GNS: variants seen among roughly 807,000 people sequenced by gnomAD.
The protein encoded by GNS is N-acetylglucosamine-6-sulfatase.
In GNS, 40 loss-of-function variants were observed where a neutral mutation model predicts 69.7. The observed-to-expected ratio is 0.57, with a 90% CI of 0.45 to 0.75. GNS has a LOEUF of 0.75. Ranked by LOEUF, GNS falls within the 30% of genes least tolerant of loss-of-function variation. The probability of loss-of-function intolerance (pLI) is 0.00; values close to 1 mark genes in which losing one functional copy is unlikely to be tolerated. For missense variants in GNS, 565 were observed against 685.5 expected (o/e 0.82, Z 1.96); for synonymous variants, 243 against 251.6 (o/e 0.97, Z 0.32).
chr12:64,753,557 T>A (rs1419013775), intron 1 of GNS, among the ~76,000 whole-genome samples: 1 of 152,214 alleles, frequency 6.6e-6, no homozygotes, highest in African/African-American at 2.4e-5. Flanking sequence ...CAGTTCACGA[T>A]GATTCTGAGA....
chr12:64,745,045 AT>A, intron 4 of GNS, 138 bp from the exon 5 acceptor site: 1 of 648,988 alleles, frequency 1.5e-6, no homozygotes, highest in Non-Finnish European at 2.8e-6. Flanking sequence ...ACTGAATTGG[AT>A]TTTTTGACTA....
At chr12:64,728,217 C>A (rs546487243) in intron 10 of GNS, among the ~76,000 whole-genome samples, 1 of 152,176 alleles carries the variant, frequency 6.6e-6, no homozygotes, top group Non-Finnish European at 1.5e-5. Context: ...TAAGCCACCG[C>A]GCCTGGCCGA....
chr12:64,723,336 A>C lies in GNS; in HGVS notation c.1201-223T>G, dbSNP rs148306619. ...TGGTGAAATGCTTTGAAAATTTAAT[A>C]GTTCCTTCCCAAGGCTACTTCTGTG... On this transcript the variant is annotated intron_variant, in intron 10 of 13. Coordinates refer to ENST00000258145, the MANE Select transcript of GNS (RefSeq NM_002076.4). Among the ~76,000 whole-genome samples, 464 of 152,354 alleles carry C rather than the reference A, an allele frequency of 3.0e-3. 1 individual carries two copies. Among genetic ancestry groups the C allele is most frequent in the Non-Finnish European group, 4.9e-3 (332 of 68,034 alleles).
chr12:64,758,309 C>A (rs1166427815), intron 1 of GNS, among the ~76,000 whole-genome samples: 3 of 67,410 alleles, frequency 4.5e-5, no homozygotes, highest in Non-Finnish European at 8.2e-5. Flanking sequence ...CACTTCAGGC[C>A]TTTTTTTTTT....
chr12:64,722,118 G>A (rs1592492177), intron 11 of GNS, among the ~76,000 whole-genome samples: 1 of 151,508 alleles, frequency 6.6e-6, no homozygotes, highest in African/African-American at 2.4e-5. Flanking sequence ...TCCACCTCCC[G>A]GGTTCACACG....
chr12:64,719,948 C>A (rs1447485926), intron 13 of GNS, 74 bp downstream of exon 13: 6 of 953,328 alleles, frequency 6.3e-6, no homozygotes, highest in Non-Finnish European at 6.9e-6. Flanking sequence ...GCAAAAAGGG[C>A]TCCCTTTGCC....
In GNS at chr12:64,748,837, A is replaced by G. The variant is rs190771284; in HGVS notation, c.253-919T>C. 6.4e-4 allele frequency among the ~76,000 whole-genome samples: 97 copies of G among 152,338 alleles called. 1 individual carries two copies. In the Middle Eastern group the frequency reaches 0.024, roughly 37 times the overall value. On this transcript the variant is annotated intron_variant, in intron 2 of 13. Coordinates refer to ENST00000258145, the MANE Select transcript of GNS (RefSeq NM_002076.4). ...AATACTAGCTTATACTTGGACCAGC[A>G]GGGAAGGAATGGGCATTTGAGCACA... is the stretch of plus-strand genomic sequence containing the variant.
chr12:64,748,543 G>T (rs1012002769), intron 2 of GNS, among the ~76,000 whole-genome samples: 3 of 152,094 alleles, frequency 2.0e-5, no homozygotes, highest in Non-Finnish European at 4.4e-5. Flanking sequence ...GCACAGCATG[G>T]TGAGAGACGG....
At chr12:64,754,138 C>T (rs1478184050) in intron 1 of GNS, among the ~76,000 whole-genome samples, 1 of 152,170 alleles carries the variant, frequency 6.6e-6, no homozygotes, top group Admixed American at 6.5e-5. Context: ...AAACACAACA[C>T]GTGCCAGGCA....
At chr12:64,741,843 G>A (rs1258499027) in intron 6 of GNS, among the ~76,000 whole-genome samples, 1 of 152,102 alleles carries the variant, frequency 6.6e-6, no homozygotes, top group East Asian at 1.9e-4. Flanking sequence ...ATTCACATTC[G>A]ATCATGAATA....
At chr12:64,717,623 G>A (rs754563068) in intron 13 of GNS, among the ~76,000 whole-genome samples, 7 of 149,638 alleles carry the variant, frequency 4.7e-5, no homozygotes, top group Middle Eastern at 3.5e-3. Context: ...TTGGTCTCCC[G>A]AAGTGCTGGG....
intron 8 of GNS, among the ~76,000 whole-genome samples, chr12:64,738,923 G>A (rs1230099968): frequency 6.6e-6 from 1 of 152,072 alleles, no homozygotes; most frequent in Non-Finnish European, 1.5e-5. Flanking sequence ...TATATATGTG[G>A]AAAGAAGAAA....
chr12:64,742,312 G>T (rs182027028), intron 6 of GNS, among the ~76,000 whole-genome samples: 1 of 152,170 alleles, frequency 6.6e-6, no homozygotes, highest in Admixed American at 6.5e-5. Context: ...GAGCCACTGC[G>T]CCCGGCCAGT....
chr12:64,727,169 A>T (rs1412980941), intron 10 of GNS, among the ~76,000 whole-genome samples: 1 of 144,668 alleles, frequency 6.9e-6, no homozygotes, highest in African/African-American at 2.5e-5. Flanking sequence ...GGGGGAGGAT[A>T]TTTTTTTTTT....
In GNS at chr12:64,738,870, C is replaced by T. The variant is rs1322012865; in HGVS notation, c.994+511G>A. Among the ~76,000 whole-genome samples, 6 of 152,000 alleles carry T rather than the reference C, an allele frequency of 3.9e-5. No individual in the cohort carries two copies. In the East Asian group the frequency reaches 1.2e-3, roughly 29 times the overall value. ...CATTAAATGCCTAAGCGATCTCCTC[C>T]TATGCAAGCAAGTCTCAAGTGAATC... On this transcript the variant is annotated intron_variant, in intron 8 of 13. Coordinates refer to ENST00000258145, the MANE Select transcript of GNS (RefSeq NM_002076.4).
intron 9 of GNS, among the ~76,000 whole-genome samples, chr12:64,729,746 C>T (rs1175627715): frequency 9.9e-5 from 15 of 152,012 alleles, no homozygotes. Context: ...CTCTACAGGG[C>T]CTAATCCAGA....
chr12:64,741,743 G>A (rs925934341), intron 6 of GNS, among the ~76,000 whole-genome samples: 11 of 152,028 alleles, frequency 7.2e-5, no homozygotes, highest in Non-Finnish European at 1.2e-4. Context: ...TTCTCTATTC[G>A]TAAAACCCTA....
At chr12:64,720,494 G>A (rs561463161) in intron 12 of GNS, among the ~76,000 whole-genome samples, 5 of 152,188 alleles carry the variant, frequency 3.3e-5, no homozygotes, top group Non-Finnish European at 7.3e-5. Context: ...ATTATCTTCT[G>A]TAATTAGAAC....
intron 5 of GNS, among the ~76,000 whole-genome samples, chr12:64,744,214 T>A (rs1167505637): frequency 2.0e-5 from 3 of 152,234 alleles, no homozygotes; most frequent in Non-Finnish European, 4.4e-5. Context: ...AGACTGTGTG[T>A]GTTTGTGTGT....
Sources: gnomAD v4.1 joint callset for allele counts (sites outside exome capture counted in the v4.1 genomes callset) on GRCh38, gnomAD v4.1.1 for gene constraint, MANE v1.5 for transcripts, NCBI Gene and HGNC (gene_info 2026-07-23, HGNC 2026-07-21) for gene names.